The following ACVR2A variants were observed in gnomAD, a reference collection of about 807,000 sequenced individuals.
The protein encoded by ACVR2A is activin A receptor type 2A.
In ACVR2A, 7 loss-of-function variants were observed where a neutral mutation model predicts 61.4. That is an observed-to-expected ratio of 0.11 (90% CI 0.06 to 0.21). ACVR2A has a LOEUF of 0.21. Ranked by LOEUF, ACVR2A falls within the 10% of genes least tolerant of loss-of-function variation. ACVR2A has a pLI of 1.00. For missense variants in ACVR2A, 322 were observed against 621.7 expected, an observed-to-expected ratio of 0.52 and a Z score of 5.13; for synonymous variants, 193 against 208.3, an observed-to-expected ratio of 0.93 and a Z score of 0.63.
At chr2:147,907,932 C>T (rs1325273146) in intron 4 of ACVR2A, among the ~76,000 whole-genome samples, 2 of 150,372 alleles carry the variant, frequency 1.3e-5, no homozygotes, top group African/African-American at 4.9e-5. Flanking sequence ...CCAGCTACTT[C>T]GGAGGCTGAG....
intron 1 of ACVR2A, among the ~76,000 whole-genome samples, chr2:147,847,069 A>C (rs796934887): frequency 5.9e-5 from 9 of 152,006 alleles, no homozygotes; most frequent in African/African-American, 2.2e-4. Flanking sequence ...TTGTGGGATT[A>C]TTTTCATTGG....
intron 1 of ACVR2A, among the ~76,000 whole-genome samples, chr2:147,882,418 G>A (rs1399412005): frequency 1.3e-5 from 2 of 152,212 alleles, no homozygotes; most frequent in Admixed American, 1.3e-4. Flanking sequence ...GGGTGTGGTG[G>A]CGTGCGCCTG....
chr2:147,899,430 T>G, intron 2 of ACVR2A, 28 bp from the exon 3 acceptor site: 1 of 1,505,236 alleles, frequency 6.6e-7, no homozygotes, highest in Non-Finnish European at 9.1e-7. Flanking sequence ...ATATTGATTT[T>G]AATTATTTTT....
At position 147,917,277 on chromosome 2, in the gene ACVR2A, C is replaced by A. The variant is rs1391849020; in HGVS notation, c.673-6C>A. 1 of 1,610,242 alleles carries A rather than the reference C, an allele frequency of 6.2e-7. No individual in the cohort carries two copies. The highest frequency in any genetic ancestry group is 1.3e-5 in the African/African-American group (1 of 74,744). ...TGTTCTTACTATTCTTTCTTTTTGA[C>A]TCTAGGACAAACAGTCATGGCAAAA... On this transcript the variant is annotated splice_polypyrimidine_tract_variant and splice_region_variant and intron_variant, in intron 5 of 10. Coordinates refer to ENST00000241416, the MANE Select transcript of ACVR2A (RefSeq NM_001616.5).
chr2:147,854,145 A>G (rs1317714940), intron 1 of ACVR2A, among the ~76,000 whole-genome samples: 3 of 152,194 alleles, frequency 2.0e-5, no homozygotes, highest in African/African-American at 7.2e-5. Flanking sequence ...ATGTGAAATA[A>G]TACTCTGACT....
chr2:147,881,703 T>A (rs1025051385), intron 1 of ACVR2A, among the ~76,000 whole-genome samples: 1 of 150,522 alleles, frequency 6.6e-6, no homozygotes, highest in African/African-American at 2.4e-5. Flanking sequence ...AATGTTGCAT[T>A]GCCAATATAG....
intron 4 of ACVR2A, among the ~76,000 whole-genome samples, chr2:147,912,641 C>G (rs1392411838): frequency 2.0e-5 from 3 of 151,720 alleles, no homozygotes; most frequent in Non-Finnish European, 2.9e-5. Context: ...ATCATTTCTA[C>G]TATTATAGGA....
chr2:147,925,117 T>C (rs1422635382), intron 9 of ACVR2A, among the ~76,000 whole-genome samples: 2 of 152,036 alleles, frequency 1.3e-5, no homozygotes, highest in Non-Finnish European at 2.9e-5. Flanking sequence ...AGTGGTGACC[T>C]GTGTCTGTCA....
At chr2:147,864,653 G>A (rs1362416189) in intron 1 of ACVR2A, among the ~76,000 whole-genome samples, 4 of 152,144 alleles carry the variant, frequency 2.6e-5, no homozygotes, top group African/African-American at 9.7e-5. Flanking sequence ...AGGTGGCAAA[G>A]GAGTAGTGAA....
In ACVR2A at chr2:147,915,208, A is replaced by G. The variant is rs954108699; in HGVS notation, c.546A>G (p.Pro182=). 6 of 1,611,908 alleles carry G rather than the reference A, an allele frequency of 3.7e-6. 1 individual carries two copies. In the South Asian group the frequency reaches 5.5e-5, roughly 15 times the overall value. The part of the protein sequence containing the change: ...LVPTQDPGPP[P]PSPLLGLKPL... ...ATCTGTAGGACCCAGGACCACCCCC[A>G]CCTTCTCCATTACTAGGTTTGAAAC... Residue 182 remains proline (P), a synonymous_variant, in exon 5 of 11, where the codon CCA becomes CCG. Coordinates refer to ENST00000241416, the MANE Select transcript of ACVR2A (RefSeq NM_001616.5).
intron 4 of ACVR2A, among the ~76,000 whole-genome samples, chr2:147,907,647 A>C (rs1163146182): frequency 1.3e-5 from 2 of 152,234 alleles, no homozygotes; most frequent in African/African-American, 4.8e-5. Flanking sequence ...AGTGGGTGGC[A>C]AAGCCTGGGC....
intron 8 of ACVR2A, 108 bp from the exon 9 acceptor site, chr2:147,922,865 C>T (rs1304818842): frequency 1.7e-6 from 2 of 1,156,258 alleles, no homozygotes; most frequent in African/African-American, 1.5e-5. Flanking sequence ...AGTGTGTATA[C>T]CTTACCCTGG....
In ACVR2A at chr2:147,915,360, T is replaced by C. The variant is rs764595463; in HGVS notation, c.672+26T>C. 6.8e-6 allele frequency: 11 copies of C among 1,609,678 alleles called. No individual in the cohort carries two copies. In the Admixed American group the frequency reaches 1.7e-4, roughly 25 times the overall value. On this transcript the variant is annotated intron_variant, in intron 5 of 10. Coordinates refer to ENST00000241416, the MANE Select transcript of ACVR2A (RefSeq NM_001616.5). Reference sequence around the variant, plus strand: ...GTATGTTTATTGCAGTTTTGTCATCTTACATACATGTTTTATGGCTAGGTC... The same window carrying C: ...GTATGTTTATTGCAGTTTTGTCATCCTACATACATGTTTTATGGCTAGGTC...
At chr2:147,868,578 C>A (rs958413310) in intron 1 of ACVR2A, among the ~76,000 whole-genome samples, 4 of 151,644 alleles carry the variant, frequency 2.6e-5, no homozygotes, top group Admixed American at 2.6e-4. Context: ...CCCTGCCCCC[C>A]CCAAGGTTTT....
At chr2:147,906,059 C>T (rs1026641998) in intron 4 of ACVR2A, among the ~76,000 whole-genome samples, 7 of 152,120 alleles carry the variant, frequency 4.6e-5, no homozygotes, top group Non-Finnish European at 8.8e-5. Context: ...AATTTATCCT[C>T]CTTCTCTGGC....
intron 7 of ACVR2A, 81 bp from the exon 8 acceptor site, chr2:147,920,149 T>G: frequency 2.3e-6 from 2 of 880,306 alleles, no homozygotes; most frequent in South Asian, 3.0e-5. Context: ...AGTGTACATA[T>G]TCCCCCTTTT....
rs1159300705 is a variant in ACVR2A at position 147,845,272 on chromosome 2, C to G, written c.55+65C>G. 7 of 1,499,060 alleles carry G rather than the reference C, an allele frequency of 4.7e-6. No individual in the cohort carries two copies. The African/African-American group carries it at 8.5e-5, about 18-fold the overall frequency. 92.9% of individuals were successfully genotyped at this position (1,499,060 alleles called of 1,614,324 possible). A position where few individuals can be genotyped will look rare whatever the true frequency, so the allele number is the denominator to read the frequency against. On this transcript the variant is annotated intron_variant, in intron 1 of 10. Transcript: ENST00000241416. ...GGCCGCGGCGGCCGCTGCTGGGGGC[C>G]GCGGCTGGTGTTGAGTCGGAGAGTC...
At chr2:147,906,864 G>T (rs529887968) in intron 4 of ACVR2A, among the ~76,000 whole-genome samples, 6 of 135,960 alleles carry the variant, frequency 4.4e-5, no homozygotes, top group Non-Finnish European at 6.1e-5. Context: ...GGATACATGT[G>T]CAGAACATGC....
At chr2:147,909,169 C>T (rs921997758) in intron 4 of ACVR2A, among the ~76,000 whole-genome samples, 3 of 152,128 alleles carry the variant, frequency 2.0e-5, no homozygotes, top group African/African-American at 7.2e-5. Context: ...AGTACTTACT[C>T]CATTTTTCAA....
Sources: allele counts gnomAD v4.1 joint callset (sites outside exome capture counted in the v4.1 genomes callset), GRCh38; gene constraint gnomAD v4.1.1; transcripts MANE v1.5; gene names NCBI Gene and HGNC (gene_info 2026-07-23, HGNC 2026-07-21).